The following SHROOM3 variants were observed in gnomAD, a reference collection of about 807,000 sequenced individuals.
SHROOM3 encodes the protein shroom family member 3, also known as protein Shroom3.
SHROOM3 carries 47 observed loss-of-function variants against 138.6 expected under a neutral mutation model. The ratio of observed to expected loss-of-function variants is 0.34; its 90% confidence interval spans 0.27 to 0.43. The LOEUF (loss-of-function observed/expected upper bound fraction) is 0.43. SHROOM3 is among the 20% of genes least tolerant of loss of function. SHROOM3 has a pLI of 1.00. For missense variants in SHROOM3, 2,491 were observed against 2,596.5 expected (o/e 0.96, Z 0.88); for synonymous variants, 1,062 against 1,063.3 (o/e 1.00, Z 0.02).
intron 1 of SHROOM3, among the ~76,000 whole-genome samples, chr4:76,494,527 G>A (rs995617859): frequency 6.6e-6 from 1 of 152,212 alleles, no homozygotes; most frequent in African/African-American, 2.4e-5. Context: ...CAGATGGTAA[G>A]TGTTTTAGGG....
intron 2 of SHROOM3, among the ~76,000 whole-genome samples, chr4:76,617,567 G>A (rs60020791): frequency 0.085 from 12,882 of 152,174 alleles, 596 homozygotes; most frequent in East Asian, 0.13. Context: ...ATATTTTTCA[G>A]GCTTCAACTT....
At chr4:76,575,939 T>C (rs1473546009) in intron 2 of SHROOM3, among the ~76,000 whole-genome samples, 1 of 152,118 alleles carries the variant, frequency 6.6e-6, no homozygotes, top group Non-Finnish European at 1.5e-5. Flanking sequence ...TAAACTACAA[T>C]GAGATATTAT....
chr4:76,717,479 T>C (rs1204374378), intron 3 of SHROOM3, among the ~76,000 whole-genome samples: 1 of 152,244 alleles, frequency 6.6e-6, no homozygotes, highest in Non-Finnish European at 1.5e-5. Flanking sequence ...ATTACGTCTA[T>C]GTTACACCTT....
At chr4:76,462,728 T>TCCCTCTCCCTC (rs1731167529) in intron 1 of SHROOM3, among the ~76,000 whole-genome samples, 1 of 139,740 alleles carries the variant, frequency 7.2e-6, no homozygotes, top group Non-Finnish European at 1.6e-5. Flanking sequence ...CCCTCTCCCT[T>TCCCTCTCCCTC]TCCCTCTCCA....
chr4:76,674,193 A>C (rs1718961706), intron 2 of SHROOM3, among the ~76,000 whole-genome samples: 1 of 152,174 alleles, frequency 6.6e-6, no homozygotes, highest in Admixed American at 6.5e-5. Flanking sequence ...TTTGTAAATT[A>C]GAATTAAAAA....
intron 2 of SHROOM3, among the ~76,000 whole-genome samples, chr4:76,605,871 T>C (rs896864232): frequency 2.0e-5 from 3 of 150,098 alleles, no homozygotes; most frequent in Non-Finnish European, 4.4e-5. Context: ...AGAATCACTC[T>C]TTATCATTTC....
intron 1 of SHROOM3, among the ~76,000 whole-genome samples, chr4:76,528,495 T>C (rs921056825): frequency 1.3e-5 from 2 of 151,096 alleles, no homozygotes; most frequent in African/African-American, 4.9e-5. Flanking sequence ...CCAGTCTTTC[T>C]TCAGTAAATT....
rs1734683022 is a variant in SHROOM3 at position 76,608,625 on chromosome 4, G to GCA, written c.323+52862_323+52863insCA. Among the ~76,000 whole-genome samples, 11 of 86,678 alleles carry GCA rather than the reference G, an allele frequency of 1.3e-4. No individual in the cohort carries two copies. The South Asian group carries it at 1.7e-3, about 13-fold the overall frequency. The allele number at this position is 86,678 out of a possible 152,430, so 56.9% of individuals were successfully genotyped here. A position where few individuals can be genotyped will look rare whatever the true frequency, so the allele number is the denominator to read the frequency against. On this transcript the variant is annotated intron_variant, in intron 2 of 10. Coordinates refer to ENST00000296043, the MANE Select transcript of SHROOM3 (RefSeq NM_020859.4). Reference sequence around the variant, plus strand: ...CATAGCATAGCATTGGACAGAGATGGTATAGCATAGCATAGCATAGCATAG... The same window carrying GCA: ...CATAGCATAGCATTGGACAGAGATGGCATATAGCATAGCATAGCATAGCATAG...
intron 2 of SHROOM3, among the ~76,000 whole-genome samples, chr4:76,640,316 G>C (rs1314366235): frequency 6.6e-6 from 1 of 152,158 alleles, no homozygotes; most frequent in Non-Finnish European, 1.5e-5. Flanking sequence ...AACTTGTCAT[G>C]TAATTGAATC....
intron 2 of SHROOM3, among the ~76,000 whole-genome samples, chr4:76,569,953 A>G (rs993935500): frequency 5.9e-5 from 9 of 152,258 alleles, no homozygotes; most frequent in African/African-American, 1.7e-4. Flanking sequence ...GTAAGAGACA[A>G]AAGGATGAGA....
chr4:76,676,030 C>G (rs1245534569), intron 2 of SHROOM3, among the ~76,000 whole-genome samples: 1 of 152,158 alleles, frequency 6.6e-6, no homozygotes. Flanking sequence ...AGCAGACTTC[C>G]TGAGACACTG....
In SHROOM3 at chr4:76,770,832, G is replaced by A. The variant is rs140072838; in HGVS notation, c.5556G>A (p.Ser1852=). Residue 1852 remains serine, a synonymous_variant, in exon 10 of 11, where the codon TCG becomes TCA. Transcript: ENST00000296043. The stretch of plus-strand genomic sequence containing the variant: ...TGGTCAACCTGCTGCTCTCCCTCTC[G>A]GGGCGTCTAGCCCGTGTTGAGAATG... ...DKVVNLLLSL[S]GRLARVENVL... 5.1e-5 allele frequency: 83 copies of A among 1,614,200 alleles called. No individual in the cohort carries two copies. Among genetic ancestry groups the A allele is most frequent in the Middle Eastern group, 4.9e-4 (3 of 6,062 alleles).
At chr4:76,443,323 T>C (rs1447032244) in intron 1 of SHROOM3, among the ~76,000 whole-genome samples, 1 of 152,256 alleles carries the variant, frequency 6.6e-6, no homozygotes, top group Non-Finnish European at 1.5e-5. Context: ...TTCCCAAGGC[T>C]TTGCCTTCTA....
intron 2 of SHROOM3, among the ~76,000 whole-genome samples, chr4:76,640,125 G>A (rs1427596987): frequency 2.0e-5 from 3 of 152,064 alleles, no homozygotes; most frequent in Admixed American, 2.0e-4. Context: ...TTCTTCTAAA[G>A]AGACCCCCAT....
intron 4 of SHROOM3, among the ~76,000 whole-genome samples, chr4:76,732,412 C>T (rs1296534812): frequency 6.6e-6 from 1 of 152,206 alleles, no homozygotes; most frequent in Non-Finnish European, 1.5e-5. Context: ...AGACCTCTCA[C>T]TGATGAACAG....
At chr4:76,501,768 A>G (rs1732100605) in intron 1 of SHROOM3, among the ~76,000 whole-genome samples, 1 of 152,232 alleles carries the variant, frequency 6.6e-6, no homozygotes, top group Non-Finnish European at 1.5e-5. Context: ...GTTGACAAAC[A>G]CATCTGCATG....
chr4:76,639,855 C>T (rs80053325), intron 2 of SHROOM3, among the ~76,000 whole-genome samples: 3,065 of 152,192 alleles, frequency 0.02, 107 homozygotes, highest in African/African-American at 0.067. Flanking sequence ...GGTTAGACGA[C>T]GTTTTCCCTA....
chr4:76,464,953 G>GA (rs1396174388), intron 1 of SHROOM3, among the ~76,000 whole-genome samples: 1 of 152,174 alleles, frequency 6.6e-6, no homozygotes, highest in Non-Finnish European at 1.5e-5. Context: ...ATAGCAGTGT[G>GA]AAAATGGACT....
intron 1 of SHROOM3, among the ~76,000 whole-genome samples, chr4:76,441,128 C>T (rs1009840041): frequency 2.3e-4 from 29 of 124,086 alleles, no homozygotes; most frequent in African/African-American, 8.5e-4. Context: ...CTCACTCTGT[C>T]GCCCAGGCTG....
Sources: allele counts gnomAD v4.1 joint callset (sites outside exome capture counted in the v4.1 genomes callset), GRCh38; gene constraint gnomAD v4.1.1; transcripts MANE v1.5; gene names NCBI Gene and HGNC (gene_info 2026-07-23, HGNC 2026-07-21).